DAND5: variants seen among roughly 807,000 people sequenced by gnomAD.
The protein encoded by DAND5 is DAN domain BMP antagonist family member 5.
DAND5 carries 8 observed loss-of-function variants against 9.2 expected under a neutral mutation model. The ratio of observed to expected loss-of-function variants is 0.87; its 90% CI spans 0.51 to 1.56. DAND5 has a LOEUF of 1.56. Among genes scored for constraint, DAND5 ranks in the 40% most tolerant of loss-of-function variants. The probability of loss-of-function intolerance (pLI) is 0.00; values close to 1 mark genes in which losing one functional copy is unlikely to be tolerated. For missense variants in DAND5, 244 were observed against 244.7 expected, an observed-to-expected ratio of 1.00 and a Z score of 0.02; for synonymous variants, 95 against 101.1, an observed-to-expected ratio of 0.94 and a Z score of 0.36.
At chr19:12,972,159 C>T (rs538139049) in intron 1 of DAND5, among the ~76,000 whole-genome samples, 11 of 149,500 alleles carry the variant, frequency 7.4e-5, no homozygotes, top group East Asian at 2.0e-4. Flanking sequence ...CCTGGGTTCA[C>T]GCCACTCTCC....
At chr19:12,972,926 T>C (rs368516761) in intron 1 of DAND5, among the ~76,000 whole-genome samples, 4 of 146,362 alleles carry the variant, frequency 2.7e-5, no homozygotes, top group Non-Finnish European at 6.0e-5. Flanking sequence ...GCAGTGGCGC[T>C]ATCTCGGCTC....
At chr19:12,970,377 T>C in intron 1 of DAND5, 4 of 674,792 alleles carry the variant, frequency 5.9e-6, no homozygotes, top group Non-Finnish European at 8.1e-6. Context: ...CCTCCCACTC[T>C]CCCCCTCAGT....
At position 12,969,747 on chromosome 19, in the gene DAND5, T is replaced by A. The variant is rs1345295005; in HGVS notation, c.87T>A (p.Pro29=). 1 of 1,592,310 alleles carries A rather than the reference T, an allele frequency of 6.3e-7. No homozygotes were observed. The highest frequency in any genetic ancestry group is 8.5e-7 in the Non-Finnish European group (1 of 1,170,022). ...CAGGGAGGCCTGAACCCCAGTCTCCTCGACCTCAGTCCTGGGCTGCAGCCA... is the reference window on the plus strand; with the variant it reads ...CAGGGAGGCCTGAACCCCAGTCTCCACGACCTCAGTCCTGGGCTGCAGCCA... The part of the protein sequence containing the change: ...TGSGRPEPQS[P]RPQSWAAANQ... Residue 29 remains proline, a synonymous_variant, in exon 1 of 2, where the codon CCT becomes CCA. Coordinates refer to ENST00000317060, the MANE Select transcript of DAND5 (RefSeq NM_152654.3).
In DAND5 at chr19:12,974,179, C is replaced by T. The variant is rs548650326; in HGVS notation, c.*545C>T. Reference sequence around the variant, plus strand: ...TGTCACCCAGGCTGGAGTGCAATGGCGCGATCTTGGCTCACTGTAACTTCC... The same window carrying T: ...TGTCACCCAGGCTGGAGTGCAATGGTGCGATCTTGGCTCACTGTAACTTCC... On this transcript the variant is annotated 3_prime_UTR_variant, in exon 2 of 2. Coordinates refer to ENST00000317060, the MANE Select transcript of DAND5 (RefSeq NM_152654.3). 1.0e-3 allele frequency: 154 copies of T among 153,536 alleles called. 1 individual carries two copies. Among genetic ancestry groups the T allele is most frequent in the South Asian group, 2.6e-3 (13 of 4,948 alleles). 9.5% of individuals were successfully genotyped at this position (153,536 alleles called of 1,614,324 possible). A position where few individuals can be genotyped will look rare whatever the true frequency, so the allele number is the denominator to read the frequency against.
chr19:12,970,464 G>A (rs1022307801), intron 1 of DAND5: 1 of 701,464 alleles, frequency 1.4e-6, no homozygotes, highest in East Asian at 2.7e-5. Flanking sequence ...CGGGAGTCTC[G>A]CTATGTTGCC....
In DAND5 at chr19:12,974,013, C is replaced by G; in HGVS notation, c.*379C>G. The G allele has an allele frequency of 5.1e-6, 1 of 196,100 alleles. No individual in the cohort carries two copies. Among genetic ancestry groups the G allele is most frequent in the Non-Finnish European group, 1.1e-5 (1 of 94,248 alleles). 12.1% of individuals were successfully genotyped at this position (196,100 alleles called of 1,614,324 possible). On this transcript the variant is annotated 3_prime_UTR_variant, in exon 2 of 2. Coordinates refer to ENST00000317060, the MANE Select transcript of DAND5 (RefSeq NM_152654.3). ...GAGTAGCTGGGACTACAGGCACCCG[C>G]CAACACGCCCGGCTAATTTTTTGTA...
Position 12,973,507 on chromosome 19 carries a change from G to A in DAND5, c.443G>A (p.Cys148Tyr), listed in dbSNP as rs777616391. The change falls in exon 2 of 2, where the codon TGT (cysteine) becomes TAT (tyrosine). Residue 148 changes from cysteine to tyrosine, a missense_variant. Transcript: ENST00000317060. ...DPTPLVLCNS[C>Y]MPARKRWAPV... ...ACCCCACTAGTCCTGTGCAACAGCTGTATGCCTGCTCGCAAGCGTTGGGCA... is the reference window on the plus strand; with the variant it reads ...ACCCCACTAGTCCTGTGCAACAGCTATATGCCTGCTCGCAAGCGTTGGGCA... 15 of 1,614,056 alleles carry A rather than the reference G, an allele frequency of 9.3e-6. 1 individual carries two copies. The highest frequency in any genetic ancestry group is 1.3e-5 in the African/African-American group (1 of 74,928).
At chr19:12,970,012 G>C (rs374127821) in intron 1 of DAND5, 28 bp downstream of exon 1, 1 of 1,611,232 alleles carries the variant, frequency 6.2e-7, no homozygotes. Flanking sequence ...GGGAGGAGAG[G>C]GCTGGGTCTC....
chr19:12,972,307 C>T (rs920041778), intron 1 of DAND5, among the ~76,000 whole-genome samples: 7 of 152,186 alleles, frequency 4.6e-5, no homozygotes, highest in South Asian at 2.1e-4. Context: ...GATCTGCCTG[C>T]GTTGGCCTCC....
At position 12,969,978 on chromosome 19, in the gene DAND5, C is replaced by T. The variant is rs1262696399; in HGVS notation, c.318C>T (p.Phe106=). The T allele has an allele frequency of 7.4e-6, 12 of 1,613,626 alleles. No individual in the cohort carries two copies. Among genetic ancestry groups the T allele is most frequent in the African/African-American group, 1.3e-5 (1 of 74,918 alleles). Residue 106 remains phenylalanine (F), a synonymous_variant, in exon 1 of 2, where the codon TTC becomes TTT. Coordinates refer to ENST00000317060, the MANE Select transcript of DAND5 (RefSeq NM_152654.3). ...VIQGMCKAVP[F]VQVFSRPGCS... ...AGGGGATGTGTAAGGCTGTGCCCTT[C>T]GTTCAGGTGAGTGGGTGGGTGTGGG...
intron 1 of DAND5, among the ~76,000 whole-genome samples, chr19:12,971,467 C>T (rs145031176): frequency 1.3e-5 from 2 of 151,580 alleles, no homozygotes; most frequent in Non-Finnish European, 2.9e-5. Context: ...TTAGTAGAGA[C>T]GGGCTTTCAC....
chr19:12,969,619 G>C lies in DAND5; in HGVS notation c.-42G>C. On this transcript the variant is annotated 5_prime_UTR_variant, in exon 1 of 2. Coordinates refer to ENST00000317060, the MANE Select transcript of DAND5 (RefSeq NM_152654.3). ...TCGACTGCTAGTGACCTTGAGCCCA[G>C]TCCGGACAGACAGACAGGCAGACAG... The C allele has an allele frequency of 6.4e-7, 1 of 1,558,618 alleles. No homozygotes were observed. The highest frequency in any genetic ancestry group is 1.7e-4 in the Middle Eastern group (1 of 5,798).
chr19:12,973,089 G>T (rs4804745), intron 1 of DAND5, among the ~76,000 whole-genome samples: 5 of 151,196 alleles, frequency 3.3e-5, no homozygotes, highest in South Asian at 4.2e-4. Context: ...GTCTCGATCT[G>T]CTGACCTCGT....
chr19:12,970,545 C>T (rs1190604269), intron 1 of DAND5: 4 of 601,348 alleles, frequency 6.7e-6, no homozygotes, highest in African/African-American at 5.6e-5. Context: ...GGTGTGAGCC[C>T]GTCTCTTGCT....
In DAND5 at chr19:12,969,810, A is replaced by T; in HGVS notation, c.150A>T (p.Pro50=). Residue 50 remains proline, a synonymous_variant, in exon 1 of 2, where the codon CCA becomes CCT. Transcript: ENST00000317060. ...CTCTGGGCCCAGGGGCCCTGCCCCC[A>T]CTGGTGCCAGCTTCTGCCCTTGGGA... ...TWALGPGALP[P]LVPASALGSW... 1 of 1,604,928 alleles carries T rather than the reference A, an allele frequency of 6.2e-7. No individual in the cohort carries two copies. Among genetic ancestry groups the T allele is most frequent in the Non-Finnish European group, 8.5e-7 (1 of 1,175,676 alleles).
chr19:12,972,977 C>T (rs1014302030), intron 1 of DAND5, among the ~76,000 whole-genome samples: 1 of 151,488 alleles, frequency 6.6e-6, no homozygotes, highest in Admixed American at 6.6e-5. Context: ...ATTCTTCTGC[C>T]TCAGTCTCCC....
At chr19:12,971,557 A>G (rs1451825467) in intron 1 of DAND5, among the ~76,000 whole-genome samples, 1 of 151,706 alleles carries the variant, frequency 6.6e-6, no homozygotes, top group African/African-American at 2.4e-5. Flanking sequence ...GATTACAGGC[A>G]TGAGCCACTG....
chr19:12,972,861 CTTTTTT>C (rs1212086930), intron 1 of DAND5, among the ~76,000 whole-genome samples: 1 of 104,712 alleles, frequency 9.6e-6, no homozygotes, highest in Admixed American at 1.2e-4. Flanking sequence ...AATTTCTTTT[CTTTTTT>C]TTTTTTTTTT....
chr19:12,970,184 C>A lies in DAND5; in HGVS notation c.324+200C>A, dbSNP rs533782288. ...GATTCCACTATCATGCCCCTCTCCA[C>A]CCCCCAGTCTATTTTTCCACTCAGC... On this transcript the variant is annotated intron_variant, in intron 1 of 1. Coordinates refer to ENST00000317060, the MANE Select transcript of DAND5 (RefSeq NM_152654.3). 1.8e-4 allele frequency among the ~76,000 whole-genome samples: 27 copies of A among 151,668 alleles called. No homozygotes were observed. The East Asian group carries it at 4.7e-3, about 26-fold the overall frequency.
Sources: allele counts gnomAD v4.1 joint callset (sites outside exome capture counted in the v4.1 genomes callset), GRCh38; gene constraint gnomAD v4.1.1; transcripts MANE v1.5; gene names NCBI Gene and HGNC (gene_info 2026-07-23, HGNC 2026-07-21).